Variants in SHROOM3 observed in about 807,000 individuals in gnomAD.
The protein encoded by SHROOM3 is shroom family member 3.
Under a neutral mutation model 138.6 loss-of-function variants are expected in SHROOM3, and 47 were observed. That is an observed-to-expected ratio of 0.34 (90% confidence interval 0.27 to 0.43). SHROOM3 has a LOEUF of 0.43. Among genes scored for constraint, SHROOM3 ranks in the 20% least tolerant of loss-of-function variants. SHROOM3 has a pLI of 1.00. For missense variants in SHROOM3, 2,491 were observed against 2,596.5 expected (o/e 0.96, Z 0.88); for synonymous variants, 1,062 against 1,063.3 (o/e 1.00, Z 0.02).
At chr4:76,509,301 C>A (rs4859685) in intron 1 of SHROOM3, 1 of 151,892 alleles carries the variant, frequency 6.6e-6, no homozygotes, top group East Asian at 1.9e-4. Flanking sequence ...TGACAGGATC[C>A]GGTTAGTTTT....
intron 1 of SHROOM3, among the ~76,000 whole-genome samples, chr4:76,532,685 T>C (rs764515863): frequency 6.6e-6 from 1 of 152,232 alleles, no homozygotes; most frequent in African/African-American, 2.4e-5. Context: ...AATTTGTTTT[T>C]CCATCTTCCC....
At chr4:76,696,963 G>A (rs939936429) in intron 2 of SHROOM3, among the ~76,000 whole-genome samples, 2 of 152,110 alleles carry the variant, frequency 1.3e-5, no homozygotes, top group East Asian at 3.9e-4. Flanking sequence ...TGTTGCCCAA[G>A]TGGGGTGCAG....
chr4:76,704,616 A>G (rs951438686), intron 2 of SHROOM3, among the ~76,000 whole-genome samples: 7 of 152,194 alleles, frequency 4.6e-5, no homozygotes, highest in African/African-American at 1.7e-4. Flanking sequence ...AGAATGCAGT[A>G]AGGGGAAAGG....
chr4:76,739,613 G>A lies in SHROOM3; in HGVS notation c.1440G>A (p.Val480=), dbSNP rs922274732. The A allele has an allele frequency of 1.2e-6, 2 of 1,614,180 alleles. No homozygotes were observed. Among genetic ancestry groups the A allele is most frequent in the South Asian group, 1.1e-5 (1 of 91,084 alleles). The change falls in exon 5 of 11, where the codon GTG becomes GTA. Residue 480 remains valine (V), a synonymous_variant. Coordinates refer to ENST00000296043, the MANE Select transcript of SHROOM3 (RefSeq NM_020859.4). The part of the protein sequence containing the change: ...VPSLEPHFAQ[V]PQPSVSSNGM... ...CCCTGGAGCCACACTTTGCCCAGGT[G>A]CCTCAGCCTTCTGTGAGTAGCAACG... is the stretch of plus-strand genomic sequence containing the variant.
At position 76,716,437 on chromosome 4, in the gene SHROOM3, G is replaced by A. The variant is rs57803537; in HGVS notation, c.455+6150G>A. The A allele has an allele frequency of 2.3e-4, 117 of 518,684 alleles. 2 individuals carry two copies. The East Asian group carries it at 5.5e-3, about 24-fold the overall frequency. The allele number at this position is 518,684 out of a possible 1,614,324, so 32.1% of individuals were successfully genotyped here. A position where few individuals can be genotyped will look rare whatever the true frequency, so the allele number is the denominator to read the frequency against. The stretch of plus-strand genomic sequence containing the variant: ...TAAGTTCAGTATTGTGTTAGAATGC[G>A]ATTCAGAATCTTTCATTGCAGGATC... On this transcript the variant is annotated intron_variant, in intron 3 of 10. Coordinates refer to ENST00000296043, the MANE Select transcript of SHROOM3 (RefSeq NM_020859.4).
rs368744066 is a variant in SHROOM3 at position 76,756,397 on chromosome 4, CTCTCTCTT to C, written c.4710-44_4710-37del. 7.2e-4 allele frequency: 1,077 copies of C among 1,490,232 alleles called. 2 individuals are homozygous for C. In the African/African-American group the frequency reaches 0.016, roughly 22 times the overall value. 92.3% of individuals were successfully genotyped at this position (1,490,232 alleles called of 1,614,324 possible). ...TCTTATCATCACCCTTCTCTTATCA[CTCTCTCTT>C]TCTCTCTCTCTCTTTTTTTTTTTTT... On this transcript the variant is annotated intron_variant, in intron 7 of 10. Coordinates refer to ENST00000296043, the MANE Select transcript of SHROOM3 (RefSeq NM_020859.4).
intron 2 of SHROOM3, among the ~76,000 whole-genome samples, chr4:76,661,824 T>C (rs1159482292): frequency 1.3e-5 from 2 of 152,226 alleles, no homozygotes; most frequent in African/African-American, 2.4e-5. Flanking sequence ...CTATTATGAA[T>C]AAAGCTGCTA....
chr4:76,570,523 A>G (rs1361911326), intron 2 of SHROOM3, among the ~76,000 whole-genome samples: 1 of 152,180 alleles, frequency 6.6e-6, no homozygotes, highest in Non-Finnish European at 1.5e-5. Flanking sequence ...TCTCAAAGTC[A>G]GGGGCAGAGG....
Position 76,741,797 on chromosome 4 carries a change from G to C in SHROOM3, c.3624G>C (p.Glu1208Asp), listed in dbSNP as rs1721265899. 8 of 1,582,506 alleles carry C rather than the reference G, an allele frequency of 5.1e-6. No individual in the cohort carries two copies. The highest frequency in any genetic ancestry group is 6.0e-6 in the Non-Finnish European group (7 of 1,164,862). ...GTQRGDETPREPSSWGARAGK... is the reference protein window; with the variant it reads ...GTQRGDETPRDPSSWGARAGK... ...AGAGAGGGGATGAGACCCCCAGGGA[G>C]CCATCCTCCTGGGGGGCCAGGGCCG... is the stretch of plus-strand genomic sequence containing the variant. The change falls in exon 5 of 11, where the codon GAG becomes GAC. Residue 1208 changes from glutamate to aspartate, a missense_variant. Glu to Asp is a conservative substitution (Grantham distance 45). Around this residue, in one of 4 missense-constraint regions of SHROOM3, gnomAD observed 1,733 missense variants for 1,661.6 expected, o/e 1.04. Coordinates refer to ENST00000296043, the MANE Select transcript of SHROOM3 (RefSeq NM_020859.4). This position sits in a 1 kb window ranked among gnomAD's most constrained non-coding sequence, Gnocchi z 6.2.
At chr4:76,559,830 C>T (rs1453913895) in intron 2 of SHROOM3, among the ~76,000 whole-genome samples, 1 of 152,170 alleles carries the variant, frequency 6.6e-6, no homozygotes, top group African/African-American at 2.4e-5. Context: ...CAAAGACTTT[C>T]AAAGATCTGC....
intron 2 of SHROOM3, among the ~76,000 whole-genome samples, chr4:76,579,188 G>T (rs1031555391): frequency 1.3e-5 from 2 of 148,820 alleles, no homozygotes; most frequent in Non-Finnish European, 3.0e-5. Context: ...AAATAAACAG[G>T]CTGGGCGTGG....
chr4:76,441,435 A>G (rs1160937859), intron 1 of SHROOM3, among the ~76,000 whole-genome samples: 1 of 151,968 alleles, frequency 6.6e-6, no homozygotes, highest in Non-Finnish European at 1.5e-5. Context: ...GTTCCCCAAG[A>G]CCTGGATCTG....
chr4:76,600,604 A>G (rs1734486265), intron 2 of SHROOM3, among the ~76,000 whole-genome samples: 1 of 152,238 alleles, frequency 6.6e-6, no homozygotes. Flanking sequence ...CAACTTTCTT[A>G]TCAAGAAATG....
At chr4:76,486,435 A>G (rs542260214) in intron 1 of SHROOM3, among the ~76,000 whole-genome samples, 3 of 152,368 alleles carry the variant, frequency 2.0e-5, no homozygotes, top group East Asian at 1.9e-4. Flanking sequence ...TACCTTGTCA[A>G]TCCTCATGAG....
intron 2 of SHROOM3, 109 bp downstream of exon 2, chr4:76,555,872 C>G: frequency 8.2e-7 from 1 of 1,221,396 alleles, no homozygotes; most frequent in East Asian, 2.5e-5. Flanking sequence ...TGGCTTTAAA[C>G]CTCCATGTAT....
At chr4:76,592,065 G>A (rs1734284972) in intron 2 of SHROOM3, among the ~76,000 whole-genome samples, 1 of 152,154 alleles carries the variant, frequency 6.6e-6, no homozygotes, top group East Asian at 1.9e-4. Context: ...AATTTTTTAG[G>A]GGGTGGTGGA....
chr4:76,762,472 CA>C (rs1479256514), intron 9 of SHROOM3, among the ~76,000 whole-genome samples: 2 of 152,162 alleles, frequency 1.3e-5, no homozygotes, highest in African/African-American at 2.4e-5. Context: ...CCCACAGCAC[CA>C]GGGGGATGAT....
chr4:76,580,615 G>A (rs1193852679), intron 2 of SHROOM3, among the ~76,000 whole-genome samples: 1 of 151,642 alleles, frequency 6.6e-6, no homozygotes, highest in East Asian at 1.9e-4. Flanking sequence ...TAGTAGAGAC[G>A]GGGTTTCTCC....
intron 1 of SHROOM3, among the ~76,000 whole-genome samples, chr4:76,534,477 T>C (rs7673766): frequency 0.64 from 97,442 of 151,886 alleles, 31,746 homozygotes; most frequent in East Asian, 0.94. Flanking sequence ...GTAGCACATC[T>C]GATGCAAAGC....
Sources: gnomAD v4.1 joint callset for allele counts (sites outside exome capture counted in the v4.1 genomes callset) on GRCh38, gnomAD v4.1.1 for gene constraint, gnomAD v4.1.1 regional missense constraint, Gnocchi (gnomAD v3.1) non-coding constraint, MANE v1.5 for transcripts, NCBI Gene and HGNC (gene_info 2026-07-23, HGNC 2026-07-21) for gene names.